Variants in FTO observed in about 807,000 individuals in gnomAD.
FTO encodes alpha-ketoglutarate-dependent dioxygenase FTO.
A neutral mutation model predicts 63.9 loss-of-function variants in FTO; 47 were observed. The observed-to-expected ratio is 0.74, with a 90% CI of 0.58 to 0.94. The LOEUF (loss-of-function observed/expected upper bound fraction) is 0.94, where lower values mean the gene tolerates loss of function less well. Among genes scored for constraint, FTO ranks in the 40% least tolerant of loss-of-function variants. The pLI, the probability that FTO is intolerant of heterozygous loss-of-function variation, is 0.00. For synonymous variants in FTO, 207 were observed against 224.4 expected (o/e 0.92, Z 0.69); for missense variants, 562 against 618.1 (o/e 0.91, Z 0.96).
intron 7 of FTO, among the ~76,000 whole-genome samples, chr16:53,889,729 T>A (rs2081100148): frequency 6.6e-6 from 1 of 151,934 alleles, no homozygotes; most frequent in Admixed American, 6.6e-5. Context: ...AGAAGTCAGG[T>A]GTGACCAGAG....
intron 1 of FTO, among the ~76,000 whole-genome samples, chr16:53,797,693 TA>T (rs2078111216): frequency 6.6e-6 from 1 of 152,192 alleles, no homozygotes; most frequent in Non-Finnish European, 1.5e-5. Flanking sequence ...AATCATGTTG[TA>T]GGTGTTTAAT....
At chr16:54,033,642 C>A (rs1420976534) in intron 8 of FTO, among the ~76,000 whole-genome samples, 2 of 152,128 alleles carry the variant, frequency 1.3e-5, no homozygotes, top group South Asian at 2.1e-4. Flanking sequence ...TATAACGAGA[C>A]CCTGCCTCTA....
chr16:53,955,813 T>C (rs933065312), intron 8 of FTO, among the ~76,000 whole-genome samples: 8 of 152,110 alleles, frequency 5.3e-5, no homozygotes, highest in Admixed American at 2.6e-4. Context: ...ATTGGGGAAG[T>C]CTTTATGGAG....
intron 5 of FTO, among the ~76,000 whole-genome samples, chr16:53,878,293 A>G (rs970830453): frequency 1.7e-4 from 26 of 151,446 alleles, no homozygotes; most frequent in African/African-American, 5.6e-4. Flanking sequence ...AGAGAGTGAG[A>G]CCCCGTCTCA....
intron 1 of FTO, among the ~76,000 whole-genome samples, chr16:53,777,282 A>T (rs186037708): frequency 1.3e-5 from 2 of 152,152 alleles, no homozygotes; most frequent in East Asian, 3.9e-4. Flanking sequence ...ACTTTTTTAG[A>T]TTCCATATTT....
At chr16:53,832,550 G>A (rs2151792076) in intron 3 of FTO, among the ~76,000 whole-genome samples, 1 of 152,222 alleles carries the variant, frequency 6.6e-6, no homozygotes, top group South Asian at 2.1e-4. Context: ...GAGCCACTGT[G>A]TCAGCCTGGA....
At chr16:53,727,389 G>A (rs1194343205) in intron 1 of FTO, among the ~76,000 whole-genome samples, 1 of 152,214 alleles carries the variant, frequency 6.6e-6, no homozygotes, top group Non-Finnish European at 1.5e-5. Context: ...CTGTGTATGT[G>A]ACTGCGAATG....
At chr16:54,066,451 T>C (rs2085735279) in intron 8 of FTO, among the ~76,000 whole-genome samples, 1 of 152,240 alleles carries the variant, frequency 6.6e-6, no homozygotes, top group Admixed American at 6.5e-5. Context: ...AGTCTCTATA[T>C]AGCTTTGCCC....
intron 8 of FTO, among the ~76,000 whole-genome samples, chr16:54,058,401 GCGTGAGCCA>G (rs2085489170): frequency 6.6e-6 from 1 of 152,180 alleles, no homozygotes; most frequent in South Asian, 2.1e-4. Context: ...GGGATTACAG[GCGTGAGCCA>G]CCACGCCTGG....
intron 8 of FTO, among the ~76,000 whole-genome samples, chr16:54,028,383 C>T (rs1485196053): frequency 6.6e-6 from 1 of 152,170 alleles, no homozygotes; most frequent in Non-Finnish European, 1.5e-5. Flanking sequence ...GGGTGGAGTT[C>T]AGCTCTCATG....
intron 1 of FTO, among the ~76,000 whole-genome samples, chr16:53,785,993 A>G (rs2151671563): frequency 6.6e-6 from 1 of 152,154 alleles, no homozygotes; most frequent in East Asian, 1.9e-4. Flanking sequence ...TAAGAAGGTA[A>G]AAGTTTTTAA....
At chr16:53,796,365 GAACA>G (rs556379464) in intron 1 of FTO, among the ~76,000 whole-genome samples, 3 of 152,104 alleles carry the variant, frequency 2.0e-5, no homozygotes, top group Admixed American at 6.6e-5. Flanking sequence ...TAAAACAAGT[GAACA>G]AACAAAGGTG....
chr16:53,874,894 T>C (rs1033602557), intron 5 of FTO, among the ~76,000 whole-genome samples: 4 of 152,172 alleles, frequency 2.6e-5, no homozygotes, highest in African/African-American at 9.7e-5. Flanking sequence ...TGTCCAAAAC[T>C]GTAGGCCTGG....
In FTO at chr16:53,785,014, T is replaced by C. The variant is rs533966590; in HGVS notation, c.46-25126T>C. Among the ~76,000 whole-genome samples the C allele has an allele frequency of 1.4e-4, 21 of 152,278 alleles. No individual in the cohort carries two copies. In the South Asian group the frequency reaches 3.5e-3, roughly 26 times the overall value. ...AGGAGTGGCAAATAGTAAGTAGCAT[T>C]TGGACCTCACTCAGCTCTAATAGTT... On this transcript the variant is annotated intron_variant, in intron 1 of 8. Transcript: ENST00000471389.
intron 7 of FTO, among the ~76,000 whole-genome samples, chr16:53,915,176 C>T (rs2081831714): frequency 6.6e-6 from 1 of 152,176 alleles, no homozygotes; most frequent in Admixed American, 6.5e-5. Flanking sequence ...TTACTTTTTA[C>T]TGACCCAACC....
rs572189453 is a variant in FTO at position 53,964,252 on chromosome 16, T to C, written c.1364+30143T>C. 2.6e-5 allele frequency among the ~76,000 whole-genome samples: 4 copies of C among 152,318 alleles called. No individual in the cohort carries two copies. In the South Asian group the frequency reaches 6.2e-4, roughly 24 times the overall value. On this transcript the variant is annotated intron_variant, in intron 8 of 8. Coordinates refer to ENST00000471389, the MANE Select transcript of FTO (RefSeq NM_001080432.3). Reference sequence around the variant, plus strand: ...AGCCATACAGTTTCTGTGACAACTGTTCTCCTCTGTTGTTGTAGTTCAAAA... The same window carrying C: ...AGCCATACAGTTTCTGTGACAACTGCTCTCCTCTGTTGTTGTAGTTCAAAA...
At chr16:53,943,069 T>G (rs1415408252) in intron 8 of FTO, among the ~76,000 whole-genome samples, 1 of 152,234 alleles carries the variant, frequency 6.6e-6, no homozygotes, top group Non-Finnish European at 1.5e-5. Context: ...TTACAGTCTC[T>G]GCTTTTTGCT....
intron 7 of FTO, among the ~76,000 whole-genome samples, chr16:53,918,852 A>T (rs1051092310): frequency 6.6e-6 from 1 of 152,174 alleles, no homozygotes; most frequent in African/African-American, 2.4e-5. Flanking sequence ...CTGGGCCTGG[A>T]GTTAGAACAC....
intron 8 of FTO, among the ~76,000 whole-genome samples, chr16:54,017,654 C>T (rs1031872133): frequency 6.6e-6 from 1 of 152,122 alleles, no homozygotes; most frequent in African/African-American, 2.4e-5. Flanking sequence ...TATGTGTTAA[C>T]TATTTTTGTT....
Sources: allele counts gnomAD v4.1 joint callset (sites outside exome capture counted in the v4.1 genomes callset), GRCh38; gene constraint gnomAD v4.1.1; transcripts MANE v1.5; gene names NCBI Gene and HGNC (gene_info 2026-07-23, HGNC 2026-07-21).